The following NEBL variants were observed in gnomAD, a reference collection of about 807,000 sequenced individuals.
NEBL encodes the protein LIM and SH3 protein 2.
Under a neutral mutation model 140.2 loss-of-function variants are expected in NEBL, and 122 were observed. The observed-to-expected ratio is 0.87, with a 90% CI of 0.75 to 1.01. The LOEUF is 1.01. Among genes scored for constraint, NEBL ranks in the 50% least tolerant of loss-of-function variants. The probability of loss-of-function intolerance (pLI) is 0.00; values close to 1 mark genes in which losing one functional copy is unlikely to be tolerated. For synonymous variants in NEBL, 436 were observed against 398.9 expected, an observed-to-expected ratio of 1.09 and a Z score of -1.11; for missense variants, 1,365 against 1,231.3, an observed-to-expected ratio of 1.11 and a Z score of -1.62.
At chr10:20,808,100 T>C (rs1302303067) in intron 26 of NEBL, among the ~76,000 whole-genome samples, 1 of 152,078 alleles carries the variant, frequency 6.6e-6, no homozygotes, top group Non-Finnish European at 1.5e-5. Flanking sequence ...TTATAACCTC[T>C]GAGGTACCCC....
At chr10:21,280,822 C>T (rs562441732) in intron 1 of NEBL, among the ~76,000 whole-genome samples, 33 of 152,016 alleles carry the variant, frequency 2.2e-4, no homozygotes, top group African/African-American at 8.0e-4. Context: ...ACCATGTTGG[C>T]CAGGCTGGTC....
At chr10:21,165,801 G>A (rs184047485) in intron 2 of NEBL, among the ~76,000 whole-genome samples, 97 of 152,176 alleles carry the variant, frequency 6.4e-4, no homozygotes, top group Non-Finnish European at 1.0e-3. Context: ...GTGTGGGGTC[G>A]GGTGTGATGG....
intron 4 of NEBL, among the ~76,000 whole-genome samples, chr10:20,951,428 T>C (rs1303838593): frequency 6.6e-6 from 1 of 150,620 alleles, no homozygotes; most frequent in African/African-American, 2.4e-5. Flanking sequence ...TATGACATAA[T>C]CCTTCCAGGA....
intron 21 of NEBL, among the ~76,000 whole-genome samples, chr10:20,816,871 T>C (rs902754447): frequency 1.3e-5 from 2 of 152,138 alleles, no homozygotes; most frequent in Non-Finnish European, 2.9e-5. Flanking sequence ...CATTATCATT[T>C]CTTCCTAGAC....
chr10:21,007,814 A>G (rs1472363702), intron 3 of NEBL, among the ~76,000 whole-genome samples: 1 of 152,206 alleles, frequency 6.6e-6, no homozygotes, highest in African/African-American at 2.4e-5. Flanking sequence ...CTCTGGAATC[A>G]GTAATATTTT....
At position 20,808,840 on chromosome 10, in the gene NEBL, A is replaced by G. The variant is rs3758601; in HGVS notation, c.2612-181T>C. ...CATGCATTGCATCAACTACATGAATAACTTAACCATCGTTTTATGCTCTTT... is the reference window on the plus strand; with the variant it reads ...CATGCATTGCATCAACTACATGAATGACTTAACCATCGTTTTATGCTCTTT... On this transcript the variant is annotated intron_variant, in intron 25 of 27. Coordinates refer to ENST00000377122, the MANE Select transcript of NEBL (RefSeq NM_006393.3). Among the ~76,000 whole-genome samples the G allele has an allele frequency of 0.49, 74,533 of 152,070 alleles. 19,710 individuals carry two copies. The highest frequency in any genetic ancestry group is 0.69 in the African/African-American group (28,551 of 41,476).
At chr10:21,116,139 G>A (rs1458757087) in intron 2 of NEBL, among the ~76,000 whole-genome samples, 1 of 151,580 alleles carries the variant, frequency 6.6e-6, no homozygotes, top group Admixed American at 6.6e-5. Context: ...AACATATGCA[G>A]TATATTTACA....
chr10:20,785,853 T>C lies in NEBL; in HGVS notation c.2939A>G (p.Tyr980Cys), dbSNP rs1409383543. The C allele has an allele frequency of 1.2e-6, 2 of 1,614,046 alleles. No individual in the cohort carries two copies. Among genetic ancestry groups the C allele is most frequent in the Non-Finnish European group, 1.7e-6 (2 of 1,179,950 alleles). Residue 980 changes from tyrosine (Y) to cysteine (C), a missense_variant, in exon 28 of 28, where the codon TAC becomes TGC. Tyr to Cys is a radical substitution (Grantham distance 194). This residue lies in a region of NEBL where 42 missense variants were observed against 76.5 expected (regional missense o/e 0.55). Coordinates refer to ENST00000377122, the MANE Select transcript of NEBL (RefSeq NM_006393.3). ...EDEVSFRDGD[Y>C]IVNVQPIDDG... ...GTCAATAGGCTGCACGTTGACGATG[T>C]AGTCGCCGTCTCTAAAGGAGACCTC...
At position 21,078,736 on chromosome 10, in the gene NEBL, T is replaced by C. The variant is rs1836223763; in HGVS notation, c.165-58535A>G. Among the ~76,000 whole-genome samples the C allele has an allele frequency of 2.6e-5, 4 of 152,354 alleles. No homozygotes were observed. In the South Asian group the frequency reaches 8.3e-4, roughly 32 times the overall value. ...TATGTCTACAAGATCATTCTCTCTA[T>C]ATCCACCCTAGGAAAATATACTTGA... is the stretch of plus-strand genomic sequence containing the variant. On this transcript the variant is annotated intron_variant, in intron 2 of 6. Coordinates refer to the NEBL transcript ENST00000417816.
At chr10:20,832,559 A>G (rs1343780690) in intron 14 of NEBL, among the ~76,000 whole-genome samples, 1 of 152,188 alleles carries the variant, frequency 6.6e-6, no homozygotes, top group African/African-American at 2.4e-5. Context: ...AGCTGTACAT[A>G]TATAAATTTG....
intron 3 of NEBL, among the ~76,000 whole-genome samples, chr10:21,197,757 T>C (rs1841673769): frequency 6.6e-6 from 1 of 152,206 alleles, no homozygotes; most frequent in South Asian, 2.1e-4. Flanking sequence ...GTTTTCCCTT[T>C]GAGATATTCT....
At chr10:21,054,695 C>G (rs1020860229) in intron 2 of NEBL, among the ~76,000 whole-genome samples, 42 of 152,174 alleles carry the variant, frequency 2.8e-4, no homozygotes, top group African/African-American at 9.9e-4. Flanking sequence ...TTTTGAAAAA[C>G]TTATGAAAAT....
chr10:21,082,666 A>G (rs1836434902), intron 2 of NEBL, among the ~76,000 whole-genome samples: 1 of 151,954 alleles, frequency 6.6e-6, no homozygotes, highest in South Asian at 2.1e-4. Flanking sequence ...CCAGTGAACT[A>G]TCACAAGGAT....
chr10:21,172,095 G>T, intron 2 of NEBL: 1 of 432,586 alleles, frequency 2.3e-6, no homozygotes, highest in Non-Finnish European at 4.3e-6. Flanking sequence ...CACGTTCTCA[G>T]TGGGGAAGTT....
chr10:21,066,006 C>A (rs1277331800), intron 2 of NEBL, among the ~76,000 whole-genome samples: 5 of 152,342 alleles, frequency 3.3e-5, no homozygotes, highest in African/African-American at 9.6e-5. Context: ...TCTACACCTC[C>A]ATCCTCAATT....
In NEBL at chr10:21,120,422, A is replaced by ATATATATATATATATATT. The variant is rs1191813457; in HGVS notation, c.164+51960_164+51961insAATATATATATATATATA. On this transcript the variant is annotated intron_variant, in intron 2 of 6. Coordinates refer to the NEBL transcript ENST00000417816. ...TATATATATATATATATATATATAT[A>ATATATATATATATATATT]TAAATTTGATCACTGGTTTAAAGTA... 2.6e-3 allele frequency among the ~76,000 whole-genome samples: 226 copies of ATATATATATATATATATT among 86,782 alleles called. 2 individuals carry two copies. Among genetic ancestry groups the ATATATATATATATATATT allele is most frequent in the East Asian group, 9.0e-3 (13 of 1,448 alleles). 56.9% of individuals were successfully genotyped at this position (86,782 alleles called of 152,430 possible).
chr10:20,840,075 C>A (rs1349018730), intron 13 of NEBL, among the ~76,000 whole-genome samples: 1 of 152,084 alleles, frequency 6.6e-6, no homozygotes, highest in Admixed American at 6.6e-5. Flanking sequence ...TCATTTGTAA[C>A]CTAAGAGTCA....
intron 2 of NEBL, among the ~76,000 whole-genome samples, chr10:21,148,666 C>T (rs992306892): frequency 8.5e-5 from 13 of 152,122 alleles, no homozygotes; most frequent in Non-Finnish European, 1.2e-4. Flanking sequence ...GCTGAGACTG[C>T]AGGCACATAC....
At chr10:20,932,589 A>AT (rs530558682) in intron 4 of NEBL, among the ~76,000 whole-genome samples, 224 of 152,278 alleles carry the variant, frequency 1.5e-3, no homozygotes, top group African/African-American at 5.1e-3. Flanking sequence ...TTAAAGTAAA[A>AT]TTTTTTTAAA....
Sources: gnomAD v4.1 joint callset for allele counts (sites outside exome capture counted in the v4.1 genomes callset) on GRCh38, gnomAD v4.1.1 for gene constraint, gnomAD v4.1.1 regional missense constraint, MANE v1.5 for transcripts, NCBI Gene and HGNC (gene_info 2026-07-23, HGNC 2026-07-21) for gene names.